Variants in ZNF423 observed in about 807,000 individuals in gnomAD.
ZNF423 encodes the protein Ebf-associated zinc finger protein.
A neutral mutation model predicts 95.8 loss-of-function variants in ZNF423; 12 were observed. The ratio of observed to expected loss-of-function variants is 0.13; its 90% CI spans 0.08 to 0.20. The LOEUF (loss-of-function observed/expected upper bound fraction) is 0.20, where lower values mean the gene tolerates loss of function less well. Ranked by LOEUF, ZNF423 falls within the 10% of genes least tolerant of loss-of-function variation. The probability of loss-of-function intolerance (pLI) is 1.00; values close to 1 mark genes in which losing one functional copy is unlikely to be tolerated. For synonymous variants in ZNF423, 749 were observed against 711.9 expected (o/e 1.05, Z -0.83); for missense variants, 1,316 against 1,737.1 (o/e 0.76, Z 4.31).
At position 49,491,235 on chromosome 16, in the gene ZNF423, G is replaced by C. The variant is rs746900694; in HGVS notation, c.*40C>G. ...AAATGGCCCTCCCCACGGCGTCTCC[G>C]GCAAGCCTTCTGCGGAGAGGTGTCC... On this transcript the variant is annotated 3_prime_UTR_variant, in exon 8 of 8. Transcript: ENST00000563137. The C allele has an allele frequency of 1.9e-6, 3 of 1,613,808 alleles. No homozygotes were observed. Among genetic ancestry groups the C allele is most frequent in the South Asian group, 2.2e-5 (2 of 91,082 alleles).
At chr16:49,735,570 C>G (rs2033265894) in intron 2 of ZNF423, among the ~76,000 whole-genome samples, 1 of 152,232 alleles carries the variant, frequency 6.6e-6, no homozygotes, top group East Asian at 1.9e-4. Flanking sequence ...GACTCAGTGG[C>G]TCCTTGACCA....
chr16:49,556,926 G>A (rs1969847101), intron 5 of ZNF423, among the ~76,000 whole-genome samples: 1 of 152,142 alleles, frequency 6.6e-6, no homozygotes, highest in East Asian at 1.9e-4. Context: ...CTCAATATAT[G>A]TCAACAGCTG....
At chr16:49,646,541 G>T (rs185017446) in intron 3 of ZNF423, among the ~76,000 whole-genome samples, 2 of 144,582 alleles carry the variant, frequency 1.4e-5, no homozygotes, top group East Asian at 4.0e-4. Flanking sequence ...AGATCCAGTG[G>T]TTACTGTTTA....
chr16:49,677,486 G>C (rs976753046), intron 3 of ZNF423, among the ~76,000 whole-genome samples: 1 of 151,664 alleles, frequency 6.6e-6, no homozygotes, highest in South Asian at 2.1e-4. Flanking sequence ...GAAAGGAAAG[G>C]AAAGAAAAGA....
rs368618831 is a variant in ZNF423 at position 49,833,090 on chromosome 16, C to T, written c.40+22645G>A. On this transcript the variant is annotated intron_variant, in intron 1 of 7. Transcript: ENST00000563137. Reference sequence around the variant, plus strand: ...TCAGGTGAGCAACCCTCCTCCTCGCCCAGCCTTACCAGGCCTGGCCCCTCA... The same window carrying T: ...TCAGGTGAGCAACCCTCCTCCTCGCTCAGCCTTACCAGGCCTGGCCCCTCA... Among the ~76,000 whole-genome samples the T allele has an allele frequency of 2.5e-4, 38 of 152,350 alleles. No homozygotes were observed. In the Middle Eastern group the frequency reaches 0.01, roughly 41 times the overall value.
chr16:49,808,675 GA>G (rs1225092278), intron 1 of ZNF423, among the ~76,000 whole-genome samples: 5 of 152,326 alleles, frequency 3.3e-5, no homozygotes, highest in African/African-American at 9.6e-5. Context: ...AGGGGCGGGG[GA>G]CATGCTGGCT....
intron 2 of ZNF423, among the ~76,000 whole-genome samples, chr16:49,784,383 A>G (rs1372632154): frequency 1.3e-5 from 2 of 152,228 alleles, no homozygotes; most frequent in South Asian, 4.1e-4. Flanking sequence ...AAACAAAACA[A>G]AACTTCTACA....
At chr16:49,774,992 G>C (rs1039138449) in intron 2 of ZNF423, among the ~76,000 whole-genome samples, 17 of 152,226 alleles carry the variant, frequency 1.1e-4, no homozygotes, top group African/African-American at 4.1e-4. Context: ...ACTTAACCAG[G>C]CACTTAGGAA....
intron 7 of ZNF423, among the ~76,000 whole-genome samples, chr16:49,493,772 C>T (rs1397133460): frequency 5.3e-5 from 8 of 152,186 alleles, no homozygotes; most frequent in Non-Finnish European, 7.3e-5. Context: ...GGGGAGAGGG[C>T]ATTCCAAGAG....
intron 1 of ZNF423, among the ~76,000 whole-genome samples, chr16:49,830,317 G>A (rs1222697067): frequency 6.6e-6 from 1 of 152,134 alleles, no homozygotes; most frequent in Non-Finnish European, 1.5e-5. Context: ...ATGTGAGGGA[G>A]AGCTCCCATG....
At chr16:49,691,023 G>T (rs924660079) in intron 3 of ZNF423, among the ~76,000 whole-genome samples, 1 of 152,216 alleles carries the variant, frequency 6.6e-6, no homozygotes, top group African/African-American at 2.4e-5. Flanking sequence ...CCAGGCATCT[G>T]ACCAGAGACA....
At chr16:49,765,399 C>T (rs1173201252) in intron 2 of ZNF423, among the ~76,000 whole-genome samples, 1 of 152,050 alleles carries the variant, frequency 6.6e-6, no homozygotes. Context: ...TTTCATGTGA[C>T]ATATATTTTA....
intron 2 of ZNF423, among the ~76,000 whole-genome samples, chr16:49,778,012 T>C (rs955613605): frequency 1.3e-5 from 2 of 152,204 alleles, no homozygotes; most frequent in Non-Finnish European, 2.9e-5. Context: ...GTAAAATATA[T>C]CATATTTGCC....
chr16:49,813,979 A>C (rs2034795926), intron 1 of ZNF423, among the ~76,000 whole-genome samples: 1 of 152,204 alleles, frequency 6.6e-6, no homozygotes, highest in Non-Finnish European at 1.5e-5. Context: ...AAAGAAAACA[A>C]GCAGCTCCTT....
chr16:49,776,939 G>C (rs1170849087), intron 2 of ZNF423, among the ~76,000 whole-genome samples: 1 of 152,234 alleles, frequency 6.6e-6, no homozygotes, highest in Non-Finnish European at 1.5e-5. Flanking sequence ...CTGCTCATTT[G>C]CATGCCTGGG....
At chr16:49,533,336 A>G (rs1968929478) in intron 5 of ZNF423, among the ~76,000 whole-genome samples, 1 of 152,224 alleles carries the variant, frequency 6.6e-6, no homozygotes, top group South Asian at 2.1e-4. Context: ...CTGGTCCCAC[A>G]CCCGAGGAAG....
intron 5 of ZNF423, among the ~76,000 whole-genome samples, chr16:49,567,678 T>C (rs867003918): frequency 3.9e-5 from 6 of 152,178 alleles, no homozygotes; most frequent in Admixed American, 1.3e-4. Flanking sequence ...AGCCGTCCAG[T>C]GCAGGTGCAA....
At chr16:49,571,557 C>A (rs1156464570) in intron 5 of ZNF423, among the ~76,000 whole-genome samples, 1 of 152,120 alleles carries the variant, frequency 6.6e-6, no homozygotes, top group Non-Finnish European at 1.5e-5. Flanking sequence ...ATGGGGGTGT[C>A]TGACCACTCT....
At chr16:49,512,919 A>C (rs370455228) in intron 7 of ZNF423, among the ~76,000 whole-genome samples, 1 of 152,102 alleles carries the variant, frequency 6.6e-6, no homozygotes, top group East Asian at 1.9e-4. Context: ...AACATGGTGA[A>C]ACCCCTGTCT....
Sources: allele counts gnomAD v4.1 joint callset (sites outside exome capture counted in the v4.1 genomes callset), GRCh38; gene constraint gnomAD v4.1.1; transcripts MANE v1.5; gene names NCBI Gene and HGNC (gene_info 2026-07-23, HGNC 2026-07-21).